Variants in SOS2 observed in about 807,000 individuals in gnomAD.
SOS2 encodes son of sevenless homolog 2.
SOS2 carries 65 observed loss-of-function variants against 148.2 expected under a neutral mutation model. The ratio of observed to expected loss-of-function variants is 0.44; its 90% confidence interval spans 0.36 to 0.54. The LOEUF (loss-of-function observed/expected upper bound fraction) is 0.54. SOS2 is among the 20% of genes least tolerant of loss of function. The pLI, the probability that SOS2 is intolerant of heterozygous loss-of-function variation, is 0.00. For synonymous variants in SOS2, 539 were observed against 537.1 expected (o/e 1.00, Z -0.05); for missense variants, 1,341 against 1,590.2 (o/e 0.84, Z 2.67).
chr14:50,139,876 T>C (rs1335583794), intron 17 of SOS2, 66 bp downstream of exon 17: 8 of 742,528 alleles, frequency 1.1e-5, no homozygotes, highest in Non-Finnish European at 1.7e-5. Flanking sequence ...AACATGCCTC[T>C]GAAGACTGCT....
At chr14:50,179,205 T>C (rs1398653485) in intron 7 of SOS2, among the ~76,000 whole-genome samples, 3 of 151,994 alleles carry the variant, frequency 2.0e-5, no homozygotes, top group Non-Finnish European at 2.9e-5. Flanking sequence ...TGGTAAAAAA[T>C]AATATAAAGA....
chr14:50,183,837 G>A (rs976321251), intron 5 of SOS2, among the ~76,000 whole-genome samples: 11 of 152,190 alleles, frequency 7.2e-5, no homozygotes, highest in Admixed American at 5.9e-4. Flanking sequence ...CCAAGCTCCC[G>A]TCTGTGAATT....
chr14:50,133,899 G>C (rs1055904925), intron 19 of SOS2, among the ~76,000 whole-genome samples: 1 of 151,790 alleles, frequency 6.6e-6, no homozygotes, highest in South Asian at 2.1e-4. Flanking sequence ...TTCTAGGAGG[G>C]ATCAAAAGTA....
At chr14:50,180,708 A>T in intron 6 of SOS2, 26 bp from the exon 7 acceptor site, 1 of 1,274,174 alleles carries the variant, frequency 7.8e-7, no homozygotes. Flanking sequence ...GAGAAAAAGC[A>T]TTAGGTTTAA....
At chr14:50,189,085 A>ACACACACACACACG (rs1886024043) in intron 4 of SOS2, among the ~76,000 whole-genome samples, 2 of 150,424 alleles carry the variant, frequency 1.3e-5, no homozygotes, top group Admixed American at 6.7e-5. Flanking sequence ...ACACACACAC[A>ACACACACACACACG]CACACACACA....
At chr14:50,204,900 C>T (rs201871047) in intron 1 of SOS2, among the ~76,000 whole-genome samples, 3 of 147,624 alleles carry the variant, frequency 2.0e-5, no homozygotes, top group Non-Finnish European at 3.0e-5. Context: ...CTTTTTTTTT[C>T]TTTCTTTTTT....
At chr14:50,156,978 T>A (rs1052391884) in intron 12 of SOS2, 21 bp downstream of exon 12, 37 of 1,396,974 alleles carry the variant, frequency 2.6e-5, no homozygotes, top group African/African-American at 4.3e-5. Context: ...TATATATATA[T>A]AAAAAATATT....
intron 8 of SOS2, among the ~76,000 whole-genome samples, chr14:50,168,799 T>A (rs1566835324): frequency 6.6e-6 from 1 of 152,158 alleles, no homozygotes; most frequent in Non-Finnish European, 1.5e-5. Flanking sequence ...GGTTATTACA[T>A]CCCTTTAGTA....
chr14:50,130,950 A>G (rs1176110401), intron 19 of SOS2, among the ~76,000 whole-genome samples, 188 bp from the exon 20 acceptor site: 2 of 152,176 alleles, frequency 1.3e-5, no homozygotes, highest in Non-Finnish European at 2.9e-5. Context: ...GCTTAATTTT[A>G]AAATGAATTG....
intron 21 of SOS2, among the ~76,000 whole-genome samples, chr14:50,128,774 TA>T (rs763379173): frequency 6.6e-6 from 1 of 152,172 alleles, no homozygotes; most frequent in African/African-American, 2.4e-5. Flanking sequence ...GTCACTTTGA[TA>T]AATTTTTTTT....
chr14:50,200,278 CG>C (rs893358610), intron 3 of SOS2, among the ~76,000 whole-genome samples: 42 of 150,056 alleles, frequency 2.8e-4, no homozygotes, highest in Non-Finnish European at 4.6e-4. Context: ...GCAGGCGGGG[CG>C]GGGGGGGCTT....
At chr14:50,128,080 C>G (rs76883828) in intron 21 of SOS2, among the ~76,000 whole-genome samples, 3,644 of 152,156 alleles carry the variant, frequency 0.024, 157 homozygotes, top group African/African-American at 0.082. Context: ...CACGTAGCTA[C>G]TAAAGGAGCT....
intron 1 of SOS2, among the ~76,000 whole-genome samples, chr14:50,225,735 T>C (rs937992924): frequency 6.6e-5 from 10 of 152,184 alleles, no homozygotes; most frequent in African/African-American, 1.9e-4. Flanking sequence ...GGATCTCTTA[T>C]TAGTTTTTGG....
chr14:50,206,167 T>C (rs1232334396), intron 1 of SOS2, among the ~76,000 whole-genome samples: 2 of 152,226 alleles, frequency 1.3e-5, no homozygotes, highest in Non-Finnish European at 2.9e-5. Context: ...CTTCTGCTTT[T>C]TATGTTCTTT....
rs1392882497 is a variant in SOS2, at chr14:50,150,137, A to T, written c.2255T>A (p.Phe752Tyr). The T allele has an allele frequency of 3.1e-6, 5 of 1,613,336 alleles. No homozygotes were observed. The highest frequency in any genetic ancestry group is 4.2e-6 in the Non-Finnish European group (5 of 1,179,398). Reference sequence around the variant, plus strand: ...TTCAATTGGTGGAGGTGGACTTTCAAAGGTAATATTATGGCTTACTCCGTT... The same window carrying T: ...TTCAATTGGTGGAGGTGGACTTTCATAGGTAATATTATGGCTTACTCCGTT... ...QANGVSHNITFESPPPPIEWH... is the reference protein window; with the variant it reads ...QANGVSHNITYESPPPPIEWH... Residue 752 changes from phenylalanine (F) to tyrosine (Y), a missense_variant, in exon 14 of 23, where the codon TTT becomes TAT. This residue lies in a region of SOS2 where 408 missense variants were observed against 506.6 expected (regional missense o/e 0.81). Coordinates refer to ENST00000216373, the MANE Select transcript of SOS2 (RefSeq NM_006939.4).
intron 12 of SOS2, among the ~76,000 whole-genome samples, chr14:50,153,698 C>G (rs1013089051): frequency 6.6e-6 from 1 of 152,184 alleles, no homozygotes; most frequent in Non-Finnish European, 1.5e-5. Flanking sequence ...CTACAACCTC[C>G]AACTCCCAGG....
intron 4 of SOS2, among the ~76,000 whole-genome samples, chr14:50,197,999 CTTT>C (rs35683627): frequency 3.0e-5 from 4 of 135,076 alleles, no homozygotes; most frequent in Admixed American, 7.4e-5. Context: ...GCTTTGCCAT[CTTT>C]TTTTTTTTTT....
upstream of SOS2, among the ~76,000 whole-genome samples, chr14:50,231,846 G>T (rs909974784): frequency 6.6e-6 from 1 of 152,206 alleles, no homozygotes; most frequent in African/African-American, 2.4e-5. Flanking sequence ...GCACAGCGCT[G>T]GCCGCCGTTG....
At chr14:50,194,871 A>G (rs569078881) in intron 4 of SOS2, among the ~76,000 whole-genome samples, 1 of 149,578 alleles carries the variant, frequency 6.7e-6, no homozygotes, top group African/African-American at 2.5e-5. Context: ...GCTCACTGCA[A>G]CCTCCGCCTC....
Sources: gnomAD v4.1 joint callset for allele counts (sites outside exome capture counted in the v4.1 genomes callset) on GRCh38, gnomAD v4.1.1 for gene constraint, gnomAD v4.1.1 regional missense constraint, MANE v1.5 for transcripts, NCBI Gene and HGNC (gene_info 2026-07-23, HGNC 2026-07-21) for gene names.